GMDS: variants seen among roughly 807,000 people sequenced by gnomAD.
GMDS encodes the protein GDP-mannose 4,6 dehydratase.
In GMDS, 20 loss-of-function variants were observed where a neutral mutation model predicts 49.9. That is an observed-to-expected ratio of 0.40 (90% confidence interval 0.28 to 0.58). GMDS has a LOEUF of 0.58. Ranked by LOEUF, GMDS falls within the 20% of genes least tolerant of loss-of-function variation. The probability of loss-of-function intolerance (pLI) is 0.42; values close to 1 mark genes in which losing one functional copy is unlikely to be tolerated. For synonymous variants in GMDS, 177 were observed against 178.6 expected, an observed-to-expected ratio of 0.99 and a Z score of 0.07; for missense variants, 362 against 481.4, an observed-to-expected ratio of 0.75 and a Z score of 2.32.
intron 1 of GMDS, among the ~76,000 whole-genome samples, chr6:2,192,737 T>G (rs1385629303): frequency 2.0e-5 from 3 of 152,188 alleles, no homozygotes; most frequent in Non-Finnish European, 2.9e-5. Flanking sequence ...TGTCTGACTG[T>G]GCAGTAGCCC....
At chr6:2,089,208 G>A (rs1014630571) in intron 4 of GMDS, among the ~76,000 whole-genome samples, 2 of 152,206 alleles carry the variant, frequency 1.3e-5, no homozygotes, top group Admixed American at 1.3e-4. Context: ...AGATTACAAG[G>A]AAATCAAAAG....
At chr6:1,779,542 C>A (rs992431034) in intron 7 of GMDS, among the ~76,000 whole-genome samples, 1 of 152,094 alleles carries the variant, frequency 6.6e-6, no homozygotes, top group African/African-American at 2.4e-5. Context: ...AGAAACAATG[C>A]GTGTGACCCC....
intron 2 of GMDS, among the ~76,000 whole-genome samples, chr6:2,120,057 C>A (rs1775056012): frequency 6.6e-6 from 1 of 152,148 alleles, no homozygotes; most frequent in South Asian, 2.1e-4. Flanking sequence ...GGACGACTCC[C>A]AGGGATGGTT....
At chr6:1,875,973 G>A (rs557050825) in intron 7 of GMDS, among the ~76,000 whole-genome samples, 10 of 149,704 alleles carry the variant, frequency 6.7e-5, no homozygotes, top group East Asian at 1.9e-4. Flanking sequence ...AGCCGAGATC[G>A]TGCCATTGCA....
chr6:1,993,085 C>A (rs972969839), intron 4 of GMDS, among the ~76,000 whole-genome samples: 11 of 152,284 alleles, frequency 7.2e-5, no homozygotes, highest in African/African-American at 2.4e-4. Context: ...ATACTAGATT[C>A]TCTCGGGAAC....
chr6:2,025,707 C>A lies in GMDS; in HGVS notation c.346-64741G>T, dbSNP rs529051598. On this transcript the variant is annotated intron_variant, in intron 4 of 10. Transcript: ENST00000380815. ...AATGAATGAATAAAGATGTATATAC[C>A]ATGTAGCCAGCTGCTAAGTCAGTAT... Among the ~76,000 whole-genome samples, 5 of 152,104 alleles carry A rather than the reference C, an allele frequency of 3.3e-5. No homozygotes were observed. In the East Asian group the frequency reaches 7.7e-4, roughly 24 times the overall value.
chr6:2,030,669 G>C (rs1245029290), intron 4 of GMDS, among the ~76,000 whole-genome samples: 2 of 152,114 alleles, frequency 1.3e-5, no homozygotes, highest in Non-Finnish European at 2.9e-5. Flanking sequence ...ATTACTTTCT[G>C]AGGGTGAAGG....
intron 9 of GMDS, among the ~76,000 whole-genome samples, chr6:1,688,607 TTTATC>T (rs1323440684): frequency 6.6e-6 from 1 of 152,248 alleles, no homozygotes; most frequent in East Asian, 1.9e-4. Context: ...TCATGAGGTC[TTTATC>T]TTAAATACCA....
intron 6 of GMDS, among the ~76,000 whole-genome samples, chr6:1,953,982 G>A (rs1347157221): frequency 6.6e-6 from 1 of 152,080 alleles, no homozygotes. Context: ...TAAACAGTTT[G>A]AGATAATAAA....
intron 4 of GMDS, among the ~76,000 whole-genome samples, chr6:2,009,415 A>G (rs2076916): frequency 0.65 from 98,463 of 152,020 alleles, 32,168 homozygotes; most frequent in Middle Eastern, 0.72. Context: ...TCAGGAACCA[A>G]TGGTTTAGTA....
At chr6:2,208,213 C>T (rs1779893382) in intron 1 of GMDS, among the ~76,000 whole-genome samples, 1 of 152,192 alleles carries the variant, frequency 6.6e-6, no homozygotes, top group Admixed American at 6.5e-5. Context: ...CTATATCTGG[C>T]TTCTACCCTC....
chr6:1,709,029 A>G (rs1170614118), intron 9 of GMDS, among the ~76,000 whole-genome samples: 2 of 152,174 alleles, frequency 1.3e-5, no homozygotes, highest in East Asian at 3.8e-4. Flanking sequence ...ATGTCCCCTG[A>G]TTGCCGAGAA....
chr6:2,112,518 G>T (rs1375924961), intron 4 of GMDS, among the ~76,000 whole-genome samples: 1 of 152,050 alleles, frequency 6.6e-6, no homozygotes, highest in Non-Finnish European at 1.5e-5. Flanking sequence ...CCCCACCCTA[G>T]ACCTAAAGAA....
intron 7 of GMDS, among the ~76,000 whole-genome samples, chr6:1,822,920 C>A (rs1046130887): frequency 2.6e-5 from 4 of 152,100 alleles, no homozygotes; most frequent in Non-Finnish European, 4.4e-5. Context: ...AAGAAATAAA[C>A]AGGTTTTCCC....
chr6:1,709,614 G>A (rs556865508), intron 9 of GMDS, among the ~76,000 whole-genome samples: 30 of 152,318 alleles, frequency 2.0e-4, no homozygotes, highest in Middle Eastern at 6.8e-3. Flanking sequence ...GTCACAGATG[G>A]AAGGAGAAGT....
intron 9 of GMDS, among the ~76,000 whole-genome samples, chr6:1,672,012 A>G (rs1199851478): frequency 6.6e-6 from 1 of 152,144 alleles, no homozygotes; most frequent in Non-Finnish European, 1.5e-5. Flanking sequence ...AATTGTGATT[A>G]TTTTTGCATC....
At chr6:1,685,249 A>G (rs1425813508) in intron 9 of GMDS, among the ~76,000 whole-genome samples, 2 of 152,092 alleles carry the variant, frequency 1.3e-5, no homozygotes, top group Non-Finnish European at 2.9e-5. Context: ...AACAGCAAAA[A>G]AATTAGCCCA....
chr6:1,688,621 C>T (rs1157418969), intron 9 of GMDS, among the ~76,000 whole-genome samples: 2 of 152,180 alleles, frequency 1.3e-5, no homozygotes, highest in Non-Finnish European at 2.9e-5. Flanking sequence ...TCTTAAATAC[C>T]AGCCAAAAAG....
At chr6:1,861,450 G>T (rs927701053) in intron 7 of GMDS, among the ~76,000 whole-genome samples, 1 of 152,110 alleles carries the variant, frequency 6.6e-6, no homozygotes, top group Non-Finnish European at 1.5e-5. Context: ...CACACAGCCT[G>T]GGTTAGGCAT....
Sources: allele counts gnomAD v4.1 joint callset (sites outside exome capture counted in the v4.1 genomes callset), GRCh38; gene constraint gnomAD v4.1.1; transcripts MANE v1.5; gene names NCBI Gene and HGNC (gene_info 2026-07-23, HGNC 2026-07-21).